The following PPARGC1A variants were observed in gnomAD, a reference collection of about 807,000 sequenced individuals.
PPARGC1A encodes the protein peroxisome proliferator-activated receptor gamma coactivator 1-alpha.
Under a neutral mutation model 88.7 loss-of-function variants are expected in PPARGC1A, and 25 were observed. The observed-to-expected ratio is 0.28, with a 90% CI of 0.21 to 0.39. The LOEUF (loss-of-function observed/expected upper bound fraction) is 0.39, where lower values mean the gene tolerates loss of function less well. Ranked by LOEUF, PPARGC1A falls within the 10% of genes least tolerant of loss-of-function variation. The probability of loss-of-function intolerance (pLI) is 1.00; values close to 1 mark genes in which losing one functional copy is unlikely to be tolerated. For synonymous variants in PPARGC1A, 363 were observed against 355.6 expected, an observed-to-expected ratio of 1.02 and a Z score of -0.24; for missense variants, 880 against 968.7, an observed-to-expected ratio of 0.91 and a Z score of 1.22.
At chr4:24,374,167 G>A in the PPARGC1A span, among the ~76,000 whole-genome samples, 1 of 152,220 alleles carries the variant, frequency 6.6e-6, no homozygotes, top group Non-Finnish European at 1.5e-5. Context: ...ACACCCCTGG[G>A]AGGGACAGAT....
the PPARGC1A span, among the ~76,000 whole-genome samples, chr4:24,147,331 G>T: frequency 6.6e-6 from 1 of 152,194 alleles, no homozygotes; most frequent in Admixed American, 6.5e-5. Context: ...TGAGCTAGGG[G>T]TTGTTTCCCA....
At chr4:24,082,569 C>T in the PPARGC1A span, among the ~76,000 whole-genome samples, 1 of 152,096 alleles carries the variant, frequency 6.6e-6, no homozygotes, top group Non-Finnish European at 1.5e-5. Context: ...GTGAGAGAAT[C>T]GCTGCATTCA....
chr4:23,926,902 T>C, the PPARGC1A span, among the ~76,000 whole-genome samples: 1 of 152,344 alleles, frequency 6.6e-6, no homozygotes, highest in Middle Eastern at 3.4e-3. Flanking sequence ...GCAGTGGCTC[T>C]CTGTTATTCA....
the PPARGC1A span, among the ~76,000 whole-genome samples, chr4:24,375,975 T>C: frequency 6.6e-6 from 1 of 151,660 alleles, no homozygotes; most frequent in Non-Finnish European, 1.5e-5. Flanking sequence ...TGGGTAACAT[T>C]GTCAGAAATC....
chr4:24,397,489 G>A, the PPARGC1A span, among the ~76,000 whole-genome samples: 1 of 152,234 alleles, frequency 6.6e-6, no homozygotes, highest in South Asian at 2.1e-4. Context: ...CCTAGCTGTG[G>A]CTCTGTAAAT....
the PPARGC1A span, among the ~76,000 whole-genome samples, chr4:24,106,307 C>T: frequency 1.3e-5 from 2 of 152,052 alleles, no homozygotes; most frequent in South Asian, 2.1e-4. Context: ...ATTATAGACA[C>T]AAAGGCAACA....
the PPARGC1A span, among the ~76,000 whole-genome samples, chr4:24,257,501 C>T: frequency 6.6e-6 from 1 of 152,126 alleles, no homozygotes; most frequent in African/African-American, 2.4e-5. Context: ...TAAAAAGATG[C>T]ACCAATTCAA....
chr4:24,381,041 G>C, the PPARGC1A span, among the ~76,000 whole-genome samples: 1 of 152,000 alleles, frequency 6.6e-6, no homozygotes, highest in East Asian at 1.9e-4. Flanking sequence ...AATGAGGAAG[G>C]AGCTCTGACA....
the PPARGC1A span, among the ~76,000 whole-genome samples, chr4:24,391,901 C>T: frequency 1.4e-4 from 22 of 152,152 alleles, no homozygotes; most frequent in East Asian, 3.9e-4. Context: ...GAAACAGATA[C>T]GCTGTATATT....
chr4:24,229,526 G>T, the PPARGC1A span, among the ~76,000 whole-genome samples: 1 of 151,046 alleles, frequency 6.6e-6, no homozygotes, highest in Admixed American at 6.6e-5. Flanking sequence ...CCCCTCAAAA[G>T]AAATCTTTCT....
At chr4:23,995,504 G>C in the PPARGC1A span, among the ~76,000 whole-genome samples, 2 of 152,156 alleles carry the variant, frequency 1.3e-5, no homozygotes, top group Admixed American at 1.3e-4. Context: ...AATTCCCTCA[G>C]CTTTGCACAT....
At chr4:24,124,076 A>T in the PPARGC1A span, among the ~76,000 whole-genome samples, 1 of 152,176 alleles carries the variant, frequency 6.6e-6, no homozygotes, top group African/African-American at 2.4e-5. Flanking sequence ...TTCTACATGC[A>T]GAACCCAAGG....
chr4:24,001,455 T>G, the PPARGC1A span, among the ~76,000 whole-genome samples: 7 of 152,266 alleles, frequency 4.6e-5, no homozygotes, highest in East Asian at 1.4e-3. Context: ...TCCTGGTAAT[T>G]TTTTTAAGTG....
the PPARGC1A span, among the ~76,000 whole-genome samples, chr4:24,018,897 A>G: frequency 6.6e-6 from 1 of 152,240 alleles, no homozygotes; most frequent in Non-Finnish European, 1.5e-5. Context: ...AAAAAAGTAG[A>G]TAAGCAAAAA....
the PPARGC1A span, among the ~76,000 whole-genome samples, chr4:24,423,149 C>T: frequency 2.7e-4 from 41 of 152,230 alleles, no homozygotes; most frequent in Non-Finnish European, 5.1e-4. Flanking sequence ...TGAGCCTTCC[C>T]ACACTGGCAT....
the PPARGC1A span, among the ~76,000 whole-genome samples, chr4:24,472,775 CGCGTGTGTGTGCGTGT>C: frequency 1.3e-5 from 2 of 151,754 alleles, no homozygotes; most frequent in Non-Finnish European, 1.5e-5. This position sits in a 1 kb window ranked among gnomAD's most constrained non-coding sequence, Gnocchi z 4.5. Context: ...CGTGTGTGCG[CGCGTGTGTGTGCGTGT>C]GCGTGTGTGT....
the PPARGC1A span, among the ~76,000 whole-genome samples, chr4:24,240,253 C>T: frequency 1.3e-5 from 2 of 152,186 alleles, no homozygotes. Flanking sequence ...CATAGAGACA[C>T]AGAAGTCCTT....
At chr4:23,980,808 C>T in the PPARGC1A span, among the ~76,000 whole-genome samples, 6 of 152,120 alleles carry the variant, frequency 3.9e-5, no homozygotes, top group African/African-American at 1.4e-4. Flanking sequence ...TAGCTGGCCT[C>T]CAAACTGAAG....
the PPARGC1A span, among the ~76,000 whole-genome samples, chr4:23,940,345 G>T: frequency 6.6e-6 from 1 of 152,170 alleles, no homozygotes; most frequent in African/African-American, 2.4e-5. Context: ...AGAGAAAACA[G>T]TGCCAACTCC....
Sources: gnomAD v4.1 joint callset for allele counts (sites outside exome capture counted in the v4.1 genomes callset) on GRCh38, gnomAD v4.1.1 for gene constraint, Gnocchi (gnomAD v3.1) non-coding constraint, MANE v1.5 for transcripts, NCBI Gene and HGNC (gene_info 2026-07-23, HGNC 2026-07-21) for gene names.